Variants in CRISP1 observed in about 807,000 individuals in gnomAD.
The protein encoded by CRISP1 is cysteine rich secretory protein 1, also known as cysteine-rich secretory protein 1.
Under a neutral mutation model 33.1 loss-of-function variants are expected in CRISP1, and 44 were observed. The observed-to-expected ratio is 1.33, with a 90% CI of 1.05 to 1.71. CRISP1 has a LOEUF of 1.71. Ranked by LOEUF, CRISP1 falls within the 40% of genes most tolerant of loss-of-function variation. The probability of loss-of-function intolerance (pLI) is 0.00; values close to 1 mark genes in which losing one functional copy is unlikely to be tolerated. For synonymous variants in CRISP1, 103 were observed against 98.7 expected (o/e 1.04, Z -0.26); for missense variants, 390 against 301.2 (o/e 1.29, Z -2.18).
At chr6:49,857,656 C>A (rs1004385568) in intron 1 of CRISP1, among the ~76,000 whole-genome samples, 4 of 152,054 alleles carry the variant, frequency 2.6e-5, no homozygotes, top group Non-Finnish European at 4.4e-5. Context: ...TATTGTATGA[C>A]ACAAGGGAAT....
At chr6:49,855,716 A>G (rs1422749503) in intron 2 of CRISP1, among the ~76,000 whole-genome samples, 1 of 152,186 alleles carries the variant, frequency 6.6e-6, no homozygotes, top group Non-Finnish European at 1.5e-5. Flanking sequence ...TATAAAAAGT[A>G]AAAACAATTT....
rs569897181 is a variant in CRISP1, at chr6:49,873,648, G to A, written c.-3+3361C>T. 1.7e-3 allele frequency among the ~76,000 whole-genome samples: 257 copies of A among 152,062 alleles called. 3 individuals are homozygous for A. The highest frequency in any genetic ancestry group is 4.1e-3 in the Admixed American group (63 of 15,244). ...AAGGAACAGAGTTATTTATAGAACTGGTTATATCAAATGTGAAGGATTATT... is the reference window on the plus strand; with the variant it reads ...AAGGAACAGAGTTATTTATAGAACTAGTTATATCAAATGTGAAGGATTATT... On this transcript the variant is annotated intron_variant, in intron 1 of 7. Transcript: ENST00000505118.
intron 1 of CRISP1, among the ~76,000 whole-genome samples, chr6:49,860,571 T>C (rs1387931143): frequency 2.6e-5 from 4 of 152,070 alleles, no homozygotes; most frequent in South Asian, 4.1e-4. Flanking sequence ...TTTAAACAAA[T>C]AAAAATTGAA....
chr6:49,868,862 A>G (rs1291297057), upstream of CRISP1, among the ~76,000 whole-genome samples: 1 of 152,168 alleles, frequency 6.6e-6, no homozygotes, highest in Admixed American at 6.6e-5. Flanking sequence ...ACTTTAACAA[A>G]TTCAAACTTA....
intron 1 of CRISP1, among the ~76,000 whole-genome samples, chr6:49,859,184 C>T (rs976430113): frequency 3.9e-5 from 6 of 151,962 alleles, no homozygotes; most frequent in Non-Finnish European, 7.4e-5. Flanking sequence ...GGAGAGTTCA[C>T]GGTGGGTCCC....
In CRISP1 at chr6:49,834,455, G is replaced by A. The variant is rs1468531486; in HGVS notation, c.*861C>T. Reference sequence around the variant, plus strand: ...GGCCTTAACTGTGCTCTTCCATTGTGTTGAAATAATCATAACCTTTGCAAC... The same window carrying A: ...GGCCTTAACTGTGCTCTTCCATTGTATTGAAATAATCATAACCTTTGCAAC... On this transcript the variant is annotated 3_prime_UTR_variant, in exon 8 of 8. Transcript: ENST00000335847. 1 of 152,042 alleles carries A rather than the reference G, an allele frequency of 6.6e-6. No homozygotes were observed. Among genetic ancestry groups the A allele is most frequent in the East Asian group, 1.9e-4 (1 of 5,186 alleles). The allele number at this position is 152,042 out of a possible 1,614,324, so 9.4% of individuals were successfully genotyped here.
At chr6:49,858,297 T>C (rs1314502938) in intron 1 of CRISP1, among the ~76,000 whole-genome samples, 2 of 152,198 alleles carry the variant, frequency 1.3e-5, no homozygotes, top group Non-Finnish European at 2.9e-5. Flanking sequence ...GTATAGATTA[T>C]TGAATTTGGT....
At chr6:49,851,973 C>G (rs753555800) in intron 3 of CRISP1, 28 bp downstream of exon 3, 5 of 1,594,598 alleles carry the variant, frequency 3.1e-6, no homozygotes, top group African/African-American at 2.7e-5. Context: ...TTATTGCAAT[C>G]ATGGTTGTTG....
At chr6:49,843,782 A>T (rs1226769638) in intron 5 of CRISP1, among the ~76,000 whole-genome samples, 1 of 150,508 alleles carries the variant, frequency 6.6e-6, no homozygotes, top group East Asian at 2.0e-4. Context: ...GATTGCCTTG[A>T]GGGGAGTGTT....
chr6:49,838,364 G>A, intron 7 of CRISP1, 73 bp downstream of exon 7: 2 of 1,087,068 alleles, frequency 1.8e-6, no homozygotes, highest in Non-Finnish European at 1.4e-6. Context: ...GTTTTTTAAT[G>A]CTTAATTTAA....
chr6:49,859,316 G>A (rs1485665352), intron 1 of CRISP1, among the ~76,000 whole-genome samples: 1 of 151,462 alleles, frequency 6.6e-6, no homozygotes, highest in African/African-American at 2.4e-5. Context: ...CACATCTCTG[G>A]AGCCACATTG....
chr6:49,835,495 G>A (rs760129413), intron 7 of CRISP1, 52 bp from the exon 8 acceptor site: 4 of 1,576,788 alleles, frequency 2.5e-6, no homozygotes, highest in East Asian at 2.3e-5. Flanking sequence ...AATCGCATTT[G>A]CTGAGGAAAG....
chr6:49,869,070 G>C (rs145327615), upstream of CRISP1, among the ~76,000 whole-genome samples: 3 of 152,100 alleles, frequency 2.0e-5, no homozygotes, highest in Non-Finnish European at 4.4e-5. Context: ...ATAATCCCAA[G>C]GCTCAATGAT....
At chr6:49,847,648 A>G (rs558648118) in intron 4 of CRISP1, among the ~76,000 whole-genome samples, 1 of 152,196 alleles carries the variant, frequency 6.6e-6, no homozygotes, top group South Asian at 2.1e-4. Context: ...AGGCTCAGGT[A>G]TTTCTTTACA....
chr6:49,853,780 CTT>C (rs899316591), intron 2 of CRISP1, among the ~76,000 whole-genome samples: 23 of 152,204 alleles, frequency 1.5e-4, no homozygotes, highest in African/African-American at 5.1e-4. Context: ...AATATTGAAT[CTT>C]TTGTCTGCAC....
At chr6:49,849,984 A>G (rs570775975) in intron 3 of CRISP1, among the ~76,000 whole-genome samples, 70 of 151,572 alleles carry the variant, frequency 4.6e-4, no homozygotes, top group African/African-American at 1.7e-3. Context: ...ATACCATGGC[A>G]TTCACTACTA....
rs183530496 is a variant in CRISP1, at chr6:49,860,705, A to T, written c.-2-3303T>A. Among the ~76,000 whole-genome samples the T allele has an allele frequency of 4.6e-5, 7 of 152,266 alleles. 1 individual carries two copies. Among genetic ancestry groups the T allele is most frequent in the Admixed American group, 4.6e-4 (7 of 15,288 alleles). On this transcript the variant is annotated intron_variant, in intron 1 of 7. Coordinates refer to ENST00000335847, the MANE Select transcript of CRISP1 (RefSeq NM_001131.3). ...ATAAACAATCTAATAATGCATCTCA[A>T]GAACTAAATGAAAATAAGGACAAAT... is the stretch of plus-strand genomic sequence containing the variant.
At chr6:49,860,314 G>A (rs983679768) in intron 1 of CRISP1, among the ~76,000 whole-genome samples, 1 of 152,088 alleles carries the variant, frequency 6.6e-6, no homozygotes, top group Non-Finnish European at 1.5e-5. Context: ...GCTACAAAGT[G>A]CACATTCCTC....
intron 3 of CRISP1, among the ~76,000 whole-genome samples, chr6:49,851,125 T>C (rs932782010): frequency 6.6e-6 from 1 of 152,202 alleles, no homozygotes; most frequent in Non-Finnish European, 1.5e-5. Context: ...TTATTTTTAG[T>C]TCAAATACCC....
Sources: gnomAD v4.1 joint callset for allele counts (sites outside exome capture counted in the v4.1 genomes callset) on GRCh38, gnomAD v4.1.1 for gene constraint, MANE v1.5 for transcripts, NCBI Gene and HGNC (gene_info 2026-07-23, HGNC 2026-07-21) for gene names.